The following PDE4D variants were observed in gnomAD, a reference collection of about 807,000 sequenced individuals.
The protein encoded by PDE4D is phosphodiesterase 4D.
A neutral mutation model predicts 87.4 loss-of-function variants in PDE4D; 24 were observed. The observed-to-expected ratio is 0.27, with a 90% CI of 0.20 to 0.39. The LOEUF is 0.39. Ranked by LOEUF, PDE4D falls within the 10% of genes least tolerant of loss-of-function variation. PDE4D has a pLI of 1.00. For synonymous variants in PDE4D, 384 were observed against 383.2 expected, an observed-to-expected ratio of 1.00 and a Z score of -0.02; for missense variants, 714 against 1,041.0, an observed-to-expected ratio of 0.69 and a Z score of 4.32.
intron 1 of PDE4D, among the ~76,000 whole-genome samples, chr5:59,683,012 GA>G (rs1749279308): frequency 1.3e-5 from 2 of 152,134 alleles, no homozygotes; most frequent in South Asian, 4.1e-4. Flanking sequence ...ACATTATTGG[GA>G]CAATTATTGA....
chr5:59,324,298 A>T (rs1403158595), intron 1 of PDE4D, among the ~76,000 whole-genome samples: 1 of 152,130 alleles, frequency 6.6e-6, no homozygotes, highest in Non-Finnish European at 1.5e-5. Context: ...CCTACCCAAG[A>T]GCCATTCCTT....
At chr5:59,967,112 C>G (rs150343303) in intron 3 of PDE4D, among the ~76,000 whole-genome samples, 7 of 152,222 alleles carry the variant, frequency 4.6e-5, no homozygotes, top group African/African-American at 1.7e-4. Context: ...TCTTTTCATA[C>G]CACGTAAGGG....
intron 1 of PDE4D, among the ~76,000 whole-genome samples, chr5:59,729,764 A>AT (rs1757116910): frequency 6.6e-6 from 1 of 152,074 alleles, no homozygotes; most frequent in South Asian, 2.1e-4. Flanking sequence ...CTTTTGTTGT[A>AT]TTCCTATATA....
chr5:59,116,169 C>T (rs1376197615), intron 5 of PDE4D, among the ~76,000 whole-genome samples: 1 of 152,068 alleles, frequency 6.6e-6, no homozygotes, highest in African/African-American at 2.4e-5. Context: ...ATATATAGTA[C>T]TGAACCACAT....
intron 1 of PDE4D, among the ~76,000 whole-genome samples, chr5:60,508,524 A>G (rs899665711): frequency 6.6e-6 from 1 of 152,238 alleles, no homozygotes; most frequent in Non-Finnish European, 1.5e-5. Flanking sequence ...TGGGTTGACT[A>G]TAATTCTACA....
intron 1 of PDE4D, among the ~76,000 whole-genome samples, chr5:60,288,823 C>T (rs1312732267): frequency 1.3e-5 from 2 of 152,308 alleles, no homozygotes; most frequent in Non-Finnish European, 2.9e-5. Context: ...ATAATTGCAA[C>T]AAGAACATCA....
intron 5 of PDE4D, among the ~76,000 whole-genome samples, chr5:59,096,398 G>A (rs1371620247): frequency 1.3e-5 from 2 of 152,110 alleles, no homozygotes; most frequent in South Asian, 2.1e-4. Context: ...ACTTTTAGTG[G>A]GCAATTGGTT....
chr5:59,804,993 A>G (rs1259273002), intron 1 of PDE4D, among the ~76,000 whole-genome samples: 2 of 152,118 alleles, frequency 1.3e-5, no homozygotes, highest in African/African-American at 4.8e-5. Flanking sequence ...GGGTTTCACC[A>G]TGTTGGCCAG....
intron 11 of PDE4D, among the ~76,000 whole-genome samples, chr5:58,980,377 T>A (rs1398323118): frequency 6.6e-6 from 1 of 152,138 alleles, no homozygotes; most frequent in African/African-American, 2.4e-5. Context: ...CTGACTATGA[T>A]TACAAGTACC....
intron 2 of PDE4D, among the ~76,000 whole-genome samples, chr5:60,120,136 T>C (rs1220605659): frequency 6.6e-6 from 1 of 152,234 alleles, no homozygotes; most frequent in Admixed American, 6.5e-5. Flanking sequence ...TGTAGAGCCA[T>C]GAAAATTATT....
intron 1 of PDE4D, among the ~76,000 whole-genome samples, chr5:60,438,872 G>A (rs1744970488): frequency 6.6e-6 from 1 of 152,092 alleles, no homozygotes; most frequent in Non-Finnish European, 1.5e-5. Context: ...AAGAAAAGCA[G>A]TCATTCCCAG....
chr5:59,305,076 T>C (rs1008873979), intron 1 of PDE4D, among the ~76,000 whole-genome samples: 1 of 152,156 alleles, frequency 6.6e-6, no homozygotes, highest in Non-Finnish European at 1.5e-5. Flanking sequence ...TCTCTGCTTG[T>C]TATTGATCTG....
At chr5:59,698,134 G>T (rs889003226) in intron 1 of PDE4D, among the ~76,000 whole-genome samples, 3 of 152,106 alleles carry the variant, frequency 2.0e-5, no homozygotes, top group Non-Finnish European at 4.4e-5. Context: ...TCCTAATTTT[G>T]CCTGAAGTCT....
chr5:60,465,759 A>G (rs757330414), intron 1 of PDE4D, among the ~76,000 whole-genome samples: 54 of 152,168 alleles, frequency 3.5e-4, no homozygotes, highest in Admixed American at 1.3e-3. Context: ...AGCTTAGCCT[A>G]GCCTACCTAA....
At chr5:60,298,705 A>C (rs1040575333) in intron 1 of PDE4D, among the ~76,000 whole-genome samples, 1 of 152,158 alleles carries the variant, frequency 6.6e-6, no homozygotes, top group African/African-American at 2.4e-5. Flanking sequence ...GTGCAATTCA[A>C]TTATGTTTTC....
chr5:60,071,044 AT>A (rs1041085025), intron 2 of PDE4D, among the ~76,000 whole-genome samples: 5 of 151,124 alleles, frequency 3.3e-5, no homozygotes, highest in Admixed American at 6.6e-5. Context: ...TTCATTTCTG[AT>A]TTTTTTATTT....
chr5:59,993,253 C>A (rs1447370533), intron 2 of PDE4D, among the ~76,000 whole-genome samples: 1 of 152,100 alleles, frequency 6.6e-6, no homozygotes, highest in Non-Finnish European at 1.5e-5. Flanking sequence ...CATTCCAGTG[C>A]ATATTAAAGT....
chr5:59,791,702 C>G (rs574955793), intron 1 of PDE4D, among the ~76,000 whole-genome samples: 1 of 152,062 alleles, frequency 6.6e-6, no homozygotes, highest in African/African-American at 2.4e-5. Context: ...GAAATATAAG[C>G]AATATGAAAT....
chr5:59,877,814 G>T (rs1039076482), intron 1 of PDE4D, among the ~76,000 whole-genome samples: 2 of 151,014 alleles, frequency 1.3e-5, no homozygotes, highest in African/African-American at 4.9e-5. Context: ...GCAAGATTCT[G>T]CCAAAAAAAA....
Sources: allele counts gnomAD v4.1 joint callset (sites outside exome capture counted in the v4.1 genomes callset), GRCh38; gene constraint gnomAD v4.1.1; transcripts MANE v1.5; gene names NCBI Gene and HGNC (gene_info 2026-07-23, HGNC 2026-07-21).